Variants in RBFOX1 observed in about 807,000 individuals in gnomAD.
RBFOX1 encodes RNA binding protein fox-1 homolog 1.
Under a neutral mutation model 57.7 loss-of-function variants are expected in RBFOX1, and 8 were observed. The observed-to-expected ratio is 0.14, with a 90% CI of 0.08 to 0.25. RBFOX1 has a LOEUF of 0.25. Among genes scored for constraint, RBFOX1 ranks in the 10% least tolerant of loss-of-function variants. The pLI is 1.00. For missense variants in RBFOX1, 611 were observed against 548.5 expected, an observed-to-expected ratio of 1.11 and a Z score of -1.14; for synonymous variants, 326 against 222.4, an observed-to-expected ratio of 1.47 and a Z score of -4.15.
chr16:5,300,563 A>T (rs1011746463), intron 1 of RBFOX1, among the ~76,000 whole-genome samples: 4 of 152,190 alleles, frequency 2.6e-5, no homozygotes, highest in African/African-American at 9.7e-5. Flanking sequence ...TTCTGAAAGA[A>T]TTTAAGTAAT....
At chr16:7,507,561 CTTTCTTT>C (rs2073752496) in intron 4 of RBFOX1, among the ~76,000 whole-genome samples, 2 of 122,938 alleles carry the variant, frequency 1.6e-5, no homozygotes, top group African/African-American at 2.9e-5. Context: ...TTTTTTCTTT[CTTTCTTT>C]TTTTTTTTTT....
chr16:5,663,242 G>C (rs2049715921), intron 3 of RBFOX1, among the ~76,000 whole-genome samples: 2 of 152,116 alleles, frequency 1.3e-5, no homozygotes, highest in South Asian at 4.1e-4. Context: ...ACAGAATCTT[G>C]TTCTGTCACC....
rs1297558889 is a variant in RBFOX1, at chr16:6,562,869, TTTCTTTCTTTC to T, written c.-63-91731_-63-91721del. On this transcript the variant is annotated intron_variant, in intron 2 of 15. Transcript: ENST00000550418. ...CTTTCTTTCTTTCTTTCTTTCTTTC[TTTCTTTCTTTC>T]TTTTTTTTTTTTTTTTTTGCATAGT... 6.5e-4 allele frequency among the ~76,000 whole-genome samples: 41 copies of T among 63,250 alleles called. 1 individual carries two copies. Among genetic ancestry groups the T allele is most frequent in the East Asian group, 1.2e-3 (3 of 2,524 alleles). The allele number at this position is 63,250 out of a possible 152,430, so 41.5% of individuals were successfully genotyped here.
chr16:7,097,677 A>G (rs950760160), intron 4 of RBFOX1, among the ~76,000 whole-genome samples: 9 of 152,148 alleles, frequency 5.9e-5, no homozygotes, highest in Non-Finnish European at 1.0e-4. Flanking sequence ...GTTTTGATCT[A>G]TATTTTCAAA....
At chr16:6,134,274 C>T (rs1001972873) in intron 1 of RBFOX1, among the ~76,000 whole-genome samples, 1 of 152,116 alleles carries the variant, frequency 6.6e-6, no homozygotes, top group African/African-American at 2.4e-5. Flanking sequence ...CCCTTGTTTG[C>T]AGCAGATATT....
chr16:6,257,205 A>G (rs1002496763), intron 1 of RBFOX1, among the ~76,000 whole-genome samples: 2 of 152,042 alleles, frequency 1.3e-5, no homozygotes, highest in Non-Finnish European at 1.5e-5. Flanking sequence ...GCACCTATGA[A>G]CCCCTCACCT....
chr16:6,727,285 C>G (rs769719087), intron 3 of RBFOX1, among the ~76,000 whole-genome samples: 1 of 151,832 alleles, frequency 6.6e-6, no homozygotes, highest in African/African-American at 2.4e-5. Flanking sequence ...AAATTAATTG[C>G]GTTTTTTGCC....
chr16:5,866,176 C>A (rs1225759052), intron 3 of RBFOX1, among the ~76,000 whole-genome samples: 1 of 152,138 alleles, frequency 6.6e-6, no homozygotes, highest in Non-Finnish European at 1.5e-5. Context: ...ACCATGTTGG[C>A]CAAGCTGGTC....
chr16:6,020,199 C>T (rs1193505148), intron 1 of RBFOX1, among the ~76,000 whole-genome samples: 1 of 151,852 alleles, frequency 6.6e-6, no homozygotes, highest in Non-Finnish European at 1.5e-5. Flanking sequence ...AGACCCTGAG[C>T]CCCCTTGTGC....
chr16:6,490,639 A>AT (rs1349928692), intron 2 of RBFOX1, among the ~76,000 whole-genome samples: 4 of 152,220 alleles, frequency 2.6e-5, no homozygotes, highest in South Asian at 2.1e-4. Context: ...CAGGACACAG[A>AT]TTTTTTTATA....
At chr16:6,020,054 G>A in intron 1 of RBFOX1, 62 bp downstream of exon 1, 5 of 1,379,794 alleles carry the variant, frequency 3.6e-6, no homozygotes, top group Non-Finnish European at 4.7e-6. Flanking sequence ...AGGTCCAGAA[G>A]GTCTCATGGA....
intron 2 of RBFOX1, among the ~76,000 whole-genome samples, chr16:5,493,198 G>A (rs571048131): frequency 6.6e-6 from 1 of 152,106 alleles, no homozygotes; most frequent in East Asian, 1.9e-4. Context: ...TTTCATTTTT[G>A]CCCTGAAATT....
intron 3 of RBFOX1, among the ~76,000 whole-genome samples, chr16:6,925,643 C>G (rs1188319788): frequency 6.6e-6 from 1 of 151,868 alleles, no homozygotes. Context: ...ATAGTGGCTA[C>G]AAAGGGCTTA....
At chr16:5,774,803 C>T (rs1655173470) in intron 3 of RBFOX1, among the ~76,000 whole-genome samples, 1 of 152,190 alleles carries the variant, frequency 6.6e-6, no homozygotes, top group Admixed American at 6.5e-5. Context: ...CTGCCTCAGC[C>T]TACCAAGTAG....
At chr16:6,777,146 A>T (rs2079516553) in intron 3 of RBFOX1, among the ~76,000 whole-genome samples, 1 of 150,344 alleles carries the variant, frequency 6.7e-6, no homozygotes, top group Admixed American at 6.7e-5. Flanking sequence ...GATGTGCTAC[A>T]CATTTTCCAG....
intron 2 of RBFOX1, among the ~76,000 whole-genome samples, chr16:6,597,768 G>A (rs997111484): frequency 3.9e-5 from 6 of 152,180 alleles, no homozygotes; most frequent in African/African-American, 1.4e-4. Context: ...TTTTCTTCCA[G>A]TTTAAAAGGA....
rs964703720 is a variant in RBFOX1 at position 6,733,901 on chromosome 16, A to C, written c.-16+79251A>C. ...AGTGTTGGTTCTGATTGTCAGCGCT[A>C]TGCTGTACAGGGTTTCAGTTCTTAG... On this transcript the variant is annotated intron_variant, in intron 3 of 15. Transcript: ENST00000550418. Among the ~76,000 whole-genome samples the C allele has an allele frequency of 2.0e-5, 3 of 152,224 alleles. No homozygotes were observed. The East Asian group carries it at 5.8e-4, about 29-fold the overall frequency.
intron 2 of RBFOX1, among the ~76,000 whole-genome samples, chr16:6,576,660 G>GA (rs1282491748): frequency 8.1e-6 from 1 of 123,814 alleles, no homozygotes; most frequent in Non-Finnish European, 2.0e-5. Flanking sequence ...TTGGCAGGGT[G>GA]AGGGAGGTGG....
chr16:6,992,636 T>C (rs1017753834), intron 3 of RBFOX1, among the ~76,000 whole-genome samples: 1 of 152,066 alleles, frequency 6.6e-6, no homozygotes, highest in African/African-American at 2.4e-5. Context: ...AAGAAGGCAG[T>C]TAAGGATAAA....
Sources: allele counts gnomAD v4.1 joint callset (sites outside exome capture counted in the v4.1 genomes callset), GRCh38; gene constraint gnomAD v4.1.1; transcripts MANE v1.5; gene names NCBI Gene and HGNC (gene_info 2026-07-23, HGNC 2026-07-21).